Variants in ACOX2 observed in about 807,000 individuals in gnomAD.
ACOX2 encodes the protein acyl-CoA oxidase 2, also known as peroxisomal acyl-coenzyme A oxidase 2.
In ACOX2, 59 loss-of-function variants were observed where a neutral mutation model predicts 77.5. The observed-to-expected ratio is 0.76, with a 90% confidence interval of 0.62 to 0.95. The LOEUF (loss-of-function observed/expected upper bound fraction) is 0.95, where lower values mean the gene tolerates loss of function less well. ACOX2 is among the 40% of genes least tolerant of loss of function. The pLI is 0.00. For synonymous variants in ACOX2, 317 were observed against 340.1 expected (o/e 0.93, Z 0.75); for missense variants, 837 against 880.4 (o/e 0.95, Z 0.62).
intron 8 of ACOX2, among the ~76,000 whole-genome samples, chr3:58,530,231 T>C (rs1426499564): frequency 6.6e-6 from 1 of 152,154 alleles, no homozygotes; most frequent in Non-Finnish European, 1.5e-5. Flanking sequence ...GGCCAGGCAC[T>C]GAGGATGCAG....
chr3:58,517,431 G>C lies in ACOX2; in HGVS notation c.1633-8C>G. The C allele has an allele frequency of 6.2e-7, 1 of 1,612,674 alleles. No homozygotes were observed. The highest frequency in any genetic ancestry group is 8.5e-7 in the Non-Finnish European group (1 of 1,178,802). On this transcript the variant is annotated splice_polypyrimidine_tract_variant and splice_region_variant and intron_variant, in intron 12 of 14. Transcript: ENST00000302819. The stretch of plus-strand genomic sequence containing the variant: ...GACATAGTAGCAGTGCACCTACAAA[G>C]ACACAAAGATATGTTCTCCTGATTT...
rs566611518 is a variant in ACOX2, at chr3:58,518,319, G to T, written c.1633-896C>A. Among the ~76,000 whole-genome samples the T allele has an allele frequency of 1.1e-4, 17 of 152,224 alleles. No homozygotes were observed. The South Asian group carries it at 3.3e-3, about 30-fold the overall frequency. On this transcript the variant is annotated intron_variant, in intron 12 of 14. Coordinates refer to ENST00000302819, the MANE Select transcript of ACOX2 (RefSeq NM_003500.4). ...TTGTAAAAATAATACTTTAATACCA[G>T]CTGGCAACTGTCCACTGCCATCAAC... is the stretch of plus-strand genomic sequence containing the variant.
rs2063375377 is a variant in ACOX2 at position 58,523,729 on chromosome 3, G to A, written c.1526+697C>T. The stretch of plus-strand genomic sequence containing the variant: ...CTCCCAAAGTGCTGGAATTACTGGT[G>A]TCAGCCACCATGCCCAGCCTGTTTT... On this transcript the variant is annotated intron_variant, in intron 11 of 14. Coordinates refer to ENST00000302819, the MANE Select transcript of ACOX2 (RefSeq NM_003500.4). The surrounding 1 kb of genome is among the most constrained non-coding windows in gnomAD (Gnocchi z 5.3). Among the ~76,000 whole-genome samples, 1 of 152,124 alleles carries A rather than the reference G, an allele frequency of 6.6e-6. No homozygotes were observed. Among genetic ancestry groups the A allele is most frequent in the African/African-American group, 2.4e-5 (1 of 41,426 alleles).
chr3:58,528,941 C>T lies in ACOX2; in HGVS notation c.1008G>A (p.Lys336=), dbSNP rs1275855968. Residue 336 remains lysine (K), a synonymous_variant, in exon 9 of 15, where the codon AAG becomes AAA. Transcript: ENST00000302819. The surrounding 1 kb of genome is among the most constrained non-coding windows in gnomAD (Gnocchi z 5.6). The stretch of plus-strand genomic sequence containing the variant: ...GCTGTTGTGTCTGGTAGTCCAGGAC[C>T]TTTGCCTCTGGGTCACTGAAGGGAA... ...SRLRPSDPEA[K]VLDYQTQQQK... 2 of 1,610,872 alleles carry T rather than the reference C, an allele frequency of 1.2e-6. No individual in the cohort carries two copies. Among genetic ancestry groups the T allele is most frequent in the East Asian group, 2.2e-5 (1 of 44,832 alleles).
At chr3:58,517,498 A>G in intron 12 of ACOX2, 75 bp from the exon 13 acceptor site, 1 of 1,427,908 alleles carries the variant, frequency 7.0e-7, no homozygotes. Flanking sequence ...GCATGGCAAG[A>G]TGGCTGGAAT....
Position 58,526,351 on chromosome 3 carries a change from T to C in ACOX2, c.1346+115A>G, listed in dbSNP as rs1026125710. On this transcript the variant is annotated intron_variant, in intron 10 of 14. Coordinates refer to ENST00000302819, the MANE Select transcript of ACOX2 (RefSeq NM_003500.4). This position sits in a 1 kb window ranked among gnomAD's most constrained non-coding sequence, Gnocchi z 4.3. ...ACTGGGGAATTGGACAGCTCCCAAA[T>C]AGCACTTCGCAAAGCCTGCTCTTTT... 3 of 1,231,532 alleles carry C rather than the reference T, an allele frequency of 2.4e-6. No homozygotes were observed. The highest frequency in any genetic ancestry group is 3.1e-5 in the African/African-American group (2 of 65,006). 76.3% of individuals were successfully genotyped at this position (1,231,532 alleles called of 1,614,324 possible). A position where few individuals can be genotyped will look rare whatever the true frequency, so the allele number is the denominator to read the frequency against.
At position 58,525,667 on chromosome 3, in the gene ACOX2, T is replaced by C. The variant is rs112936619; in HGVS notation, c.1346+799A>G. 6.6e-6 allele frequency among the ~76,000 whole-genome samples: 1 copy of C among 152,114 alleles called. No homozygotes were observed. The highest frequency in any genetic ancestry group is 2.4e-5 in the African/African-American group (1 of 41,420). ...TGCTCCAAAGGAAACAAGGCCATGT[T>C]GGGTGGGAGGGGATCAAATGCAAAG... On this transcript the variant is annotated intron_variant, in intron 10 of 14. Transcript: ENST00000302819. The surrounding 1 kb of genome is among the most constrained non-coding windows in gnomAD (Gnocchi z 5.0).
rs2063455118 is a variant in ACOX2 at position 58,533,403 on chromosome 3, T to C, written c.583+42A>G. 6.4e-7 allele frequency: 1 copy of C among 1,560,068 alleles called. No individual in the cohort carries two copies. The highest frequency in any genetic ancestry group is 8.8e-7 in the Non-Finnish European group (1 of 1,132,550). ...GCTACTCTGCCCTCCAACATTCTTC[T>C]ACTTGGGGAGAGTTAAGGAAGGGGG... On this transcript the variant is annotated intron_variant, in intron 5 of 14. Coordinates refer to ENST00000302819, the MANE Select transcript of ACOX2 (RefSeq NM_003500.4). This position sits in a 1 kb window ranked among gnomAD's most constrained non-coding sequence, Gnocchi z 5.6.
rs145855714 is a variant in ACOX2, at chr3:58,530,622, G to T, written c.836C>A (p.Thr279Asn). The change falls in exon 8 of 15, where the codon ACC (threonine) becomes AAC (asparagine). Residue 279 changes from threonine to asparagine, a missense_variant. By Grantham distance (65) the Thr-to-Asn change is moderately conservative (BLOSUM62 0). Coordinates refer to ENST00000302819, the MANE Select transcript of ACOX2 (RefSeq NM_003500.4). Reference sequence around the variant, plus strand: ...CTGTGCTGTACCGAGTTTGACGTAGGTGCCATCTGGCAAGACCTGTGTGGA... The same window carrying T: ...CTGTGCTGTACCGAGTTTGACGTAGTTGCCATCTGGCAAGACCTGTGTGGA... ...SRFAQVLPDG[T>N]YVKLGTAQSN... 5.0e-5 allele frequency: 81 copies of T among 1,614,134 alleles called. No individual in the cohort carries two copies. Among genetic ancestry groups the T allele is most frequent in the Middle Eastern group, 5.0e-4 (3 of 6,060 alleles).
chr3:58,514,123 G>A lies in ACOX2; in HGVS notation c.1850+3083C>T, dbSNP rs2107991314. On this transcript the variant is annotated intron_variant, in intron 13 of 14. Transcript: ENST00000302819. The surrounding 1 kb of genome is among the most constrained non-coding windows in gnomAD (Gnocchi z 4.3). Reference sequence around the variant, plus strand: ...GATCCTCTATTTACCCTTCTGCCAGGGCAGAGTCAAGGAAAGTCTTAAAAT... The same window carrying A: ...GATCCTCTATTTACCCTTCTGCCAGAGCAGAGTCAAGGAAAGTCTTAAAAT... Among the ~76,000 whole-genome samples, 1 of 152,150 alleles carries A rather than the reference G, an allele frequency of 6.6e-6. No homozygotes were observed. Among genetic ancestry groups the A allele is most frequent in the South Asian group, 2.1e-4 (1 of 4,804 alleles).
Position 58,524,585 on chromosome 3 carries a change from A to T in ACOX2, c.1367T>A (p.Leu456Gln), listed in dbSNP as rs1317897866. 2 of 1,613,934 alleles carry T rather than the reference A, an allele frequency of 1.2e-6. No homozygotes were observed. Among genetic ancestry groups the T allele is most frequent in the African/African-American group, 2.7e-5 (2 of 74,926 alleles). ...GGAGCCAGGGGACATCTGAGTCTGCAGGTAGCTCTTCACCAGGAACCTGGG... is the reference window on the plus strand; with the variant it reads ...GGAGCCAGGGGACATCTGAGTCTGCTGGTAGCTCTTCACCAGGAACCTGGG... ...QVARFLVKSY[L>Q]QTQMSPGSTP... is the part of the protein sequence containing the mutation. Residue 456 changes from leucine to glutamine, a missense_variant, in exon 11 of 15, where the codon CTG becomes CAG. Leu to Gln is a moderately radical substitution (Grantham distance 113, BLOSUM62 -2). Coordinates refer to ENST00000302819, the MANE Select transcript of ACOX2 (RefSeq NM_003500.4). This position sits in a 1 kb window ranked among gnomAD's most constrained non-coding sequence, Gnocchi z 5.5.
Position 58,526,740 on chromosome 3 carries a change from T to C in ACOX2, c.1156-84A>G. The C allele has an allele frequency of 7.1e-7, 1 of 1,416,562 alleles. No homozygotes were observed. Among genetic ancestry groups the C allele is most frequent in the Non-Finnish European group, 9.7e-7 (1 of 1,031,062 alleles). 87.7% of individuals were successfully genotyped at this position (1,416,562 alleles called of 1,614,324 possible). A position where few individuals can be genotyped will look rare whatever the true frequency, so the allele number is the denominator to read the frequency against. On this transcript the variant is annotated intron_variant, in intron 9 of 14. Coordinates refer to ENST00000302819, the MANE Select transcript of ACOX2 (RefSeq NM_003500.4). The surrounding 1 kb of genome is among the most constrained non-coding windows in gnomAD (Gnocchi z 4.3). Reference sequence around the variant, plus strand: ...CCCTGTGCACCACTTACTGAGCATCTACTCATGCCCAGCTCAGCTCTGAGG... The same window carrying C: ...CCCTGTGCACCACTTACTGAGCATCCACTCATGCCCAGCTCAGCTCTGAGG...
intron 14 of ACOX2, among the ~76,000 whole-genome samples, chr3:58,506,684 C>T (rs555150660): frequency 2.0e-4 from 31 of 152,160 alleles, no homozygotes; most frequent in African/African-American, 7.5e-4. Flanking sequence ...GTAATGCCAG[C>T]TACTTGGGAG....
Position 58,533,671 on chromosome 3 carries a change from C to CATA in ACOX2, c.476-120_476-119insTAT. ...CGCAGTATGGAGTGGGGCCCAGCTC[C>CATA]CAGCTGTACTTGCAGGCAGTTCTCC... On this transcript the variant is annotated intron_variant, in intron 4 of 14. Coordinates refer to ENST00000302819, the MANE Select transcript of ACOX2 (RefSeq NM_003500.4). This position sits in a 1 kb window ranked among gnomAD's most constrained non-coding sequence, Gnocchi z 5.6. The CATA allele has an allele frequency of 1.1e-6, 1 of 880,816 alleles. No homozygotes were observed. The allele number at this position is 880,816 out of a possible 1,614,324, so 54.6% of individuals were successfully genotyped here. A position where few individuals can be genotyped will look rare whatever the true frequency, so the allele number is the denominator to read the frequency against.
At chr3:58,513,492 C>T (rs2063301510) in intron 13 of ACOX2, among the ~76,000 whole-genome samples, 1 of 152,064 alleles carries the variant, frequency 6.6e-6, no homozygotes, top group Non-Finnish European at 1.5e-5. Flanking sequence ...CCAGTCCTTA[C>T]ATTGAGTTTT....
In ACOX2 at chr3:58,531,906, G is replaced by T; in HGVS notation, c.584-94C>A. The T allele has an allele frequency of 6.9e-7, 1 of 1,458,206 alleles. No homozygotes were observed. The highest frequency in any genetic ancestry group is 1.4e-5 in the African/African-American group (1 of 70,728). The allele number at this position is 1,458,206 out of a possible 1,614,324, so 90.3% of individuals were successfully genotyped here. A position where few individuals can be genotyped will look rare whatever the true frequency, so the allele number is the denominator to read the frequency against. ...CTCCTGGGGCTGGGGTTTTGGATGG[G>T]TACCTCTGGGGCCCTGAAAAGTCAC... On this transcript the variant is annotated intron_variant, in intron 5 of 14. Transcript: ENST00000302819. The surrounding 1 kb of genome is among the most constrained non-coding windows in gnomAD (Gnocchi z 5.8).
In ACOX2 at chr3:58,512,896, A is replaced by G. The variant is rs2107990182; in HGVS notation, c.1851-3871T>C. ...AGGCTATACCATTTAGGCTTGTGTA[A>G]GTACACTCTGTGATGTTCACATGAT... On this transcript the variant is annotated intron_variant, in intron 13 of 14. Transcript: ENST00000302819. The surrounding 1 kb of genome is among the most constrained non-coding windows in gnomAD (Gnocchi z 4.8). Among the ~76,000 whole-genome samples the G allele has an allele frequency of 6.6e-6, 1 of 152,362 alleles. No individual in the cohort carries two copies. The highest frequency in any genetic ancestry group is 1.5e-5 in the Non-Finnish European group (1 of 68,032).
chr3:58,522,403 G>A lies in ACOX2; in HGVS notation c.1632+93C>T. 8.2e-7 allele frequency: 1 copy of A among 1,223,434 alleles called. No individual in the cohort carries two copies. 75.8% of individuals were successfully genotyped at this position (1,223,434 alleles called of 1,614,324 possible). ...GGGCAGCCGCCACTGAAGCAGAGTT[G>A]GGGAATAATGGCAGAGCCCGGATTT... On this transcript the variant is annotated intron_variant, in intron 12 of 14. Transcript: ENST00000302819. This position sits in a 1 kb window ranked among gnomAD's most constrained non-coding sequence, Gnocchi z 4.3.
intron 8 of ACOX2, 151 bp from the exon 9 acceptor site, chr3:58,529,107 A>T: frequency 1.4e-6 from 1 of 707,564 alleles, no homozygotes; most frequent in Non-Finnish European, 2.2e-6. Context: ...ATCCTTTAAA[A>T]ATCCCATCTA....
Sources: allele counts gnomAD v4.1 joint callset (sites outside exome capture counted in the v4.1 genomes callset), GRCh38; gene constraint gnomAD v4.1.1; non-coding constraint Gnocchi (gnomAD v3.1); transcripts MANE v1.5; gene names NCBI Gene and HGNC (gene_info 2026-07-23, HGNC 2026-07-21).